ARIH2: variants seen among roughly 807,000 people sequenced by gnomAD.
The protein encoded by ARIH2 is E3 ubiquitin-protein ligase ARIH2.
ARIH2 carries 12 observed loss-of-function variants against 79.8 expected under a neutral mutation model. The ratio of observed to expected loss-of-function variants is 0.15; its 90% CI spans 0.10 to 0.24. The LOEUF (loss-of-function observed/expected upper bound fraction) is 0.24. Among genes scored for constraint, ARIH2 ranks in the 10% least tolerant of loss-of-function variants. The probability of loss-of-function intolerance (pLI) is 1.00; values close to 1 mark genes in which losing one functional copy is unlikely to be tolerated. For synonymous variants in ARIH2, 224 were observed against 213.9 expected, an observed-to-expected ratio of 1.05 and a Z score of -0.41; for missense variants, 301 against 618.3, an observed-to-expected ratio of 0.49 and a Z score of 5.44.
At chr3:48,966,938 C>T (rs900040589) in intron 5 of ARIH2, among the ~76,000 whole-genome samples, 187 bp from the exon 6 acceptor site, 1 of 152,196 alleles carries the variant, frequency 6.6e-6, no homozygotes, top group Non-Finnish European at 1.5e-5. Flanking sequence ...CCACCTCCTT[C>T]AGGAAGCCTT....
At chr3:48,932,296 C>T (rs1026011715) in intron 3 of ARIH2, among the ~76,000 whole-genome samples, 2 of 152,060 alleles carry the variant, frequency 1.3e-5, no homozygotes, top group Non-Finnish European at 2.9e-5. Flanking sequence ...ATGGAATAGT[C>T]AAATGAGATG....
chr3:48,967,421 C>A, intron 6 of ARIH2, 146 bp downstream of exon 6: 1 of 903,536 alleles, frequency 1.1e-6, no homozygotes, highest in Non-Finnish European at 1.6e-6. Context: ...CAAATACATC[C>A]ATACAAACAG....
chr3:48,963,350 A>G (rs1238412581), intron 4 of ARIH2, among the ~76,000 whole-genome samples: 1 of 152,216 alleles, frequency 6.6e-6, no homozygotes, highest in Non-Finnish European at 1.5e-5. Context: ...GGAGATTTGG[A>G]TGGCAAAAGA....
chr3:48,938,210 A>G (rs2087457830), intron 3 of ARIH2, among the ~76,000 whole-genome samples: 1 of 152,240 alleles, frequency 6.6e-6, no homozygotes, highest in African/African-American at 2.4e-5. Flanking sequence ...ATGATACTGT[A>G]GTAGAATACA....
At chr3:48,979,914 CTT>C (rs113959895) in intron 12 of ARIH2, 199 of 250,186 alleles carry the variant, frequency 8.0e-4, no homozygotes, top group Middle Eastern at 2.3e-3. Flanking sequence ...CTAGTACCAT[CTT>C]TTTTTTTTTT....
chr3:48,946,695 G>C (rs2089197411), intron 3 of ARIH2, among the ~76,000 whole-genome samples: 1 of 152,062 alleles, frequency 6.6e-6, no homozygotes, highest in African/African-American at 2.4e-5. Context: ...ACAGAGGAGA[G>C]AGAGCTCATT....
intron 3 of ARIH2, among the ~76,000 whole-genome samples, chr3:48,947,622 T>G (rs2089369719): frequency 1.3e-5 from 2 of 152,210 alleles, no homozygotes; most frequent in African/African-American, 4.8e-5. Flanking sequence ...ATTTTGAGGA[T>G]TATAAATAAA....
rs903656542 is a variant in ARIH2 at position 48,927,470 on chromosome 3, A to T, written c.-89A>T. 4.0e-6 allele frequency: 6 copies of T among 1,505,796 alleles called. No individual in the cohort carries two copies. In the African/African-American group the frequency reaches 8.4e-5, roughly 21 times the overall value. 93.3% of individuals were successfully genotyped at this position (1,505,796 alleles called of 1,614,324 possible). A position where few individuals can be genotyped will look rare whatever the true frequency, so the allele number is the denominator to read the frequency against. ...TTTTTTTCCTCCCTTAGAAGACAAA[A>T]ATACTAATGCATTTGAGAAAGCGGT... On this transcript the variant is annotated 5_prime_UTR_variant, in exon 3 of 16. Coordinates refer to ENST00000356401, the MANE Select transcript of ARIH2 (RefSeq NM_006321.4).
chr3:48,940,785 ACTCCGTCTC>A, intron 3 of ARIH2, among the ~76,000 whole-genome samples: 1 of 103,828 alleles, frequency 9.6e-6, no homozygotes. Flanking sequence ...ATAAAGGGAG[ACTCCGTCTC>A]AAAAAAAAAA....
At chr3:48,979,781 C>CTATAGG (rs2092685221) in intron 12 of ARIH2, 148 bp downstream of exon 12, 4 of 800,888 alleles carry the variant, frequency 5.0e-6, no homozygotes, top group Non-Finnish European at 5.8e-6. Context: ...GGTGCTGCCT[C>CTATAGG]TATAGATGTG....
chr3:48,919,289 C>T, intron 1 of ARIH2: 3 of 1,076,116 alleles, frequency 2.8e-6, no homozygotes, highest in South Asian at 4.9e-5. Flanking sequence ...CCCTGTCTGG[C>T]GCGGCGGGGA....
At chr3:48,927,280 A>G (rs1478915260) in intron 2 of ARIH2, 182 bp from the exon 3 acceptor site, 3 of 383,232 alleles carry the variant, frequency 7.8e-6, no homozygotes, top group African/African-American at 4.1e-5. Context: ...TCTCCAGGGA[A>G]GGATTTCCCT....
At chr3:48,971,865 C>T (rs1025764975) in intron 8 of ARIH2, among the ~76,000 whole-genome samples, 5 of 152,158 alleles carry the variant, frequency 3.3e-5, no homozygotes, top group Non-Finnish European at 7.4e-5. Context: ...AATTCTTTCC[C>T]TGGGTATTTG....
At chr3:48,957,786 G>A (rs1339170721) in intron 3 of ARIH2, among the ~76,000 whole-genome samples, 1 of 152,156 alleles carries the variant, frequency 6.6e-6, no homozygotes, top group African/African-American at 2.4e-5. Flanking sequence ...CGCGATCTCA[G>A]CTCACTACAA....
intron 11 of ARIH2, among the ~76,000 whole-genome samples, chr3:48,977,422 C>T (rs1382210475): frequency 1.3e-5 from 2 of 151,750 alleles, no homozygotes; most frequent in South Asian, 2.1e-4. Context: ...TATCCTTGCT[C>T]GGCCTCCTGA....
intron 3 of ARIH2, among the ~76,000 whole-genome samples, chr3:48,954,145 A>C (rs1333275080): frequency 6.6e-6 from 1 of 150,402 alleles, no homozygotes; most frequent in Non-Finnish European, 1.5e-5. Context: ...TGGGGACAGG[A>C]GCGAGACTTT....
At chr3:48,953,767 G>T (rs1161529965) in intron 3 of ARIH2, among the ~76,000 whole-genome samples, 1 of 151,986 alleles carries the variant, frequency 6.6e-6, no homozygotes, top group East Asian at 1.9e-4. Flanking sequence ...CGTGATCATG[G>T]CTCACTGCAG....
At chr3:48,958,695 G>T (rs561330363) in intron 3 of ARIH2, among the ~76,000 whole-genome samples, 2 of 150,176 alleles carry the variant, frequency 1.3e-5, no homozygotes, top group African/African-American at 4.9e-5. Context: ...GGCAACAGAA[G>T]GAGACTCCAT....
chr3:48,972,863 T>C (rs974571541), intron 8 of ARIH2, among the ~76,000 whole-genome samples: 2 of 152,026 alleles, frequency 1.3e-5, no homozygotes, highest in African/African-American at 4.8e-5. Flanking sequence ...TACAGACACA[T>C]AGCACTACAC....
Sources: allele counts gnomAD v4.1 joint callset (sites outside exome capture counted in the v4.1 genomes callset), GRCh38; gene constraint gnomAD v4.1.1; transcripts MANE v1.5; gene names NCBI Gene and HGNC (gene_info 2026-07-23, HGNC 2026-07-21).